KNTC1: variants seen among roughly 807,000 people sequenced by gnomAD.
The protein encoded by KNTC1 is kinetochore associated 1.
A neutral mutation model predicts 314.4 loss-of-function variants in KNTC1; 253 were observed. The ratio of observed to expected loss-of-function variants is 0.80; its 90% CI spans 0.73 to 0.89. The LOEUF (loss-of-function observed/expected upper bound fraction) is 0.89, where lower values mean the gene tolerates loss of function less well. KNTC1 is among the 40% of genes least tolerant of loss of function. The pLI is 0.00. For missense variants in KNTC1, 2,475 were observed against 2,572.9 expected (o/e 0.96, Z 0.82); for synonymous variants, 901 against 901.4 (o/e 1.00, Z 0.01).
chr12:122,559,944 C>A (rs1357489836), intron 18 of KNTC1, among the ~76,000 whole-genome samples: 2 of 152,136 alleles, frequency 1.3e-5, no homozygotes, highest in African/African-American at 4.8e-5. Flanking sequence ...CGTCCATCTC[C>A]CCAACTCTTT....
chr12:122,562,802 G>A (rs1964066668), intron 20 of KNTC1, 103 bp downstream of exon 20: 1 of 673,074 alleles, frequency 1.5e-6, no homozygotes, highest in Non-Finnish European at 2.7e-6. Context: ...CCGAGATCAG[G>A]AGTTCGAGAC....
chr12:122,569,762 C>G lies in KNTC1; in HGVS notation c.1798C>G (p.Leu600Val). The G allele has an allele frequency of 6.2e-7, 1 of 1,613,778 alleles. No individual in the cohort carries two copies. Among genetic ancestry groups the G allele is most frequent in the South Asian group, 1.1e-5 (1 of 91,066 alleles). Reference sequence around the variant, plus strand: ...GTCTGCATCAGTCTCTTTGCAAAAGCTGTGTCCATGGTTTAAAAATGATGT... The same window carrying G: ...GTCTGCATCAGTCTCTTTGCAAAAGGTGTGTCCATGGTTTAAAAATGATGT... ...SMSASVSLQK[L>V]CPWFKNDVIP... Residue 600 changes from leucine to valine, a missense_variant, in exon 22 of 64, where the codon CTG (leucine) becomes GTG (valine). Physicochemically the swap from Leu to Val is conservative, Grantham distance 32. Coordinates refer to ENST00000333479, the MANE Select transcript of KNTC1 (RefSeq NM_014708.6).
rs530979871 is a variant in KNTC1 at position 122,538,965 on chromosome 12, G to A, written c.366+511G>A. On this transcript the variant is annotated intron_variant, in intron 4 of 63. Transcript: ENST00000333479. ...TTAGGAAATACTTGGTGAAAGGCCA[G>A]GGTTGAAGTCCACCTTGTCTTCAGC... Among the ~76,000 whole-genome samples, 5 of 152,352 alleles carry A rather than the reference G, an allele frequency of 3.3e-5. No homozygotes were observed. The East Asian group carries it at 7.7e-4, about 23-fold the overall frequency.
Position 122,586,412 on chromosome 12 carries a change from T to G in KNTC1, c.3674-289T>G, listed in dbSNP as rs138075737. Among the ~76,000 whole-genome samples the G allele has an allele frequency of 1.1e-3, 172 of 152,278 alleles. 4 individuals carry two copies. The East Asian group carries it at 0.03, about 27-fold the overall frequency. ...TCTATTTCTTGATCTGGATGCTGCTTCTTCAGTTTGTGGACGTTTATCAGG... is the reference window on the plus strand; with the variant it reads ...TCTATTTCTTGATCTGGATGCTGCTGCTTCAGTTTGTGGACGTTTATCAGG... On this transcript the variant is annotated intron_variant, in intron 37 of 63. Coordinates refer to ENST00000333479, the MANE Select transcript of KNTC1 (RefSeq NM_014708.6).
intron 20 of KNTC1, among the ~76,000 whole-genome samples, chr12:122,563,021 A>T (rs866092629): frequency 2.2e-4 from 31 of 143,756 alleles, no homozygotes; most frequent in South Asian, 8.6e-4. Context: ...AAAAAAAAAA[A>T]TTTTTTTTTT....
In KNTC1 at chr12:122,573,012, C is replaced by T. The variant is rs369843247; in HGVS notation, c.2095C>T (p.His699Tyr). Residue 699 changes from histidine to tyrosine, a missense_variant, in exon 25 of 64, where the codon CAT becomes TAT. By Grantham distance (83) the His-to-Tyr change is moderately conservative. Transcript: ENST00000333479. ...VNNLRELITL[H>Y]RKYNCKLALS... ...TAACTTGCGAGAGTTGATCACGTTGCATAGGAAGTACAACTGCAAATTAGC... is the reference window on the plus strand; with the variant it reads ...TAACTTGCGAGAGTTGATCACGTTGTATAGGAAGTACAACTGCAAATTAGC... 8 of 1,610,754 alleles carry T rather than the reference C, an allele frequency of 5.0e-6. No homozygotes were observed. The highest frequency in any genetic ancestry group is 6.8e-6 in the Non-Finnish European group (8 of 1,178,164).
intron 6 of KNTC1, among the ~76,000 whole-genome samples, chr12:122,542,908 T>A (rs1962456484): frequency 6.6e-6 from 1 of 152,154 alleles, no homozygotes; most frequent in African/African-American, 2.4e-5. Context: ...TATTTTATTA[T>A]TTTTATTTAT....
intron 33 of KNTC1, 76 bp downstream of exon 33, chr12:122,580,746 T>C: frequency 1.0e-6 from 1 of 982,234 alleles, no homozygotes; most frequent in Non-Finnish European, 1.5e-6. Flanking sequence ...GTTTTCTGTA[T>C]GGCTGGGCGC....
intron 62 of KNTC1, among the ~76,000 whole-genome samples, chr12:122,623,654 GT>G (rs1320887082): frequency 6.6e-6 from 1 of 152,136 alleles, no homozygotes; most frequent in Non-Finnish European, 1.5e-5. Flanking sequence ...TTCTCTGAAA[GT>G]TTCCTCATGC....
chr12:122,614,448 G>C (rs1873540221), intron 55 of KNTC1, among the ~76,000 whole-genome samples: 1 of 152,126 alleles, frequency 6.6e-6, no homozygotes, highest in East Asian at 1.9e-4. Flanking sequence ...GGTCCAACAG[G>C]CAAACTTTTT....
chr12:122,574,418 C>T (rs1964890804), intron 27 of KNTC1, 38 bp downstream of exon 27: 1 of 1,220,762 alleles, frequency 8.2e-7, no homozygotes, highest in African/African-American at 1.5e-5. Context: ...CCCTTTTGAG[C>T]ATTAAATCTT....
rs1962130971 is a variant in KNTC1, at chr12:122,539,693, T to C, written c.384T>C (p.Ala128=). The C allele has an allele frequency of 6.3e-7, 1 of 1,577,404 alleles. No homozygotes were observed. The highest frequency in any genetic ancestry group is 1.4e-5 in the African/African-American group (1 of 73,914). The stretch of plus-strand genomic sequence containing the variant: ...GCATTTAGGCATTTGTTCAGAAAGC[T>C]AACGATGAAAATCGGCGGACTTACC... ...TLLTNAFVQK[A]NDENRRTYQN... Residue 128 remains alanine (A), a synonymous_variant, in exon 5 of 64, where the codon GCT becomes GCC. Transcript: ENST00000333479.
intron 24 of KNTC1, among the ~76,000 whole-genome samples, chr12:122,572,275 G>C (rs1964734399): frequency 1.3e-5 from 2 of 152,036 alleles, no homozygotes; most frequent in South Asian, 4.1e-4. Context: ...GGTGCCTGTA[G>C]TCCTAGCTAT....
intron 10 of KNTC1, 57 bp downstream of exon 10, chr12:122,546,731 G>A (rs1422002453): frequency 8.5e-7 from 1 of 1,172,470 alleles, no homozygotes; most frequent in Non-Finnish European, 1.2e-6. Flanking sequence ...CAACAAAAAT[G>A]TCAGACTTAC....
chr12:122,554,074 A>ATAT (rs71445282), intron 16 of KNTC1, among the ~76,000 whole-genome samples: 4,430 of 70,302 alleles, frequency 0.063, 113 homozygotes, highest in East Asian at 0.085. Flanking sequence ...TAAAAAAAAA[A>ATAT]AAATATATAT....
At chr12:122,568,760 C>G (rs1032262497) in intron 21 of KNTC1, among the ~76,000 whole-genome samples, 3 of 151,880 alleles carry the variant, frequency 2.0e-5, no homozygotes, top group Non-Finnish European at 4.4e-5. Flanking sequence ...TTCTTTAACC[C>G]AGAAGGTGGA....
chr12:122,561,983 A>G lies in KNTC1; in HGVS notation c.1542+9A>G, dbSNP rs764708578. ...CTGATGGCTTGAAAGAGGTAATTAC[A>G]CTAGATTTCTAGGTTAATATGTGGG... On this transcript the variant is annotated intron_variant, in intron 19 of 63. Transcript: ENST00000333479. 31 of 1,595,250 alleles carry G rather than the reference A, an allele frequency of 1.9e-5. No individual in the cohort carries two copies. Among genetic ancestry groups the G allele is most frequent in the East Asian group, 2.2e-5 (1 of 44,616 alleles).
intron 2 of KNTC1, among the ~76,000 whole-genome samples, chr12:122,532,206 CTTTTTTTTTTTTTTT>C (rs139344183): frequency 1.0e-5 from 1 of 99,542 alleles, no homozygotes. Context: ...GCTAATTTTT[CTTTTTTTTTTTTTTT>C]TTTTTTGAGA....
chr12:122,537,600 T>TA (rs1961945484), intron 3 of KNTC1, among the ~76,000 whole-genome samples: 1 of 151,896 alleles, frequency 6.6e-6, no homozygotes, highest in Non-Finnish European at 1.5e-5. Context: ...ATATTTTTAG[T>TA]AGAGACGGAG....
Sources: allele counts gnomAD v4.1 joint callset (sites outside exome capture counted in the v4.1 genomes callset), GRCh38; gene constraint gnomAD v4.1.1; transcripts MANE v1.5; gene names NCBI Gene and HGNC (gene_info 2026-07-23, HGNC 2026-07-21).